The following PARD3B variants were observed in gnomAD, a reference collection of about 807,000 sequenced individuals.
PARD3B encodes the protein par-3 family cell polarity regulator beta, also known as partitioning defective 3 homolog B.
A neutral mutation model predicts 130.2 loss-of-function variants in PARD3B; 103 were observed. That is an observed-to-expected ratio of 0.79 (90% CI 0.67 to 0.93). The LOEUF (loss-of-function observed/expected upper bound fraction) is 0.93. Among genes scored for constraint, PARD3B ranks in the 40% least tolerant of loss-of-function variants. The pLI, the probability that PARD3B is intolerant of heterozygous loss-of-function variation, is 0.00. For synonymous variants in PARD3B, 583 were observed against 553.2 expected (o/e 1.05, Z -0.76); for missense variants, 1,609 against 1,499.2 (o/e 1.07, Z -1.21).
At chr2:204,614,983 A>G (rs1225269019) in intron 1 of PARD3B, among the ~76,000 whole-genome samples, 2 of 152,288 alleles carry the variant, frequency 1.3e-5, no homozygotes, top group East Asian at 3.9e-4. Flanking sequence ...ACTCACTTTT[A>G]TGTGAGGTAA....
intron 21 of PARD3B, among the ~76,000 whole-genome samples, chr2:205,522,309 T>C (rs528702649): frequency 2.5e-4 from 38 of 152,004 alleles, no homozygotes; most frequent in Middle Eastern, 6.8e-3. Context: ...TTCTAAAATA[T>C]TAAAGACTTT....
chr2:205,535,317 C>T (rs2051799377), intron 21 of PARD3B, among the ~76,000 whole-genome samples: 1 of 152,154 alleles, frequency 6.6e-6, no homozygotes, highest in African/African-American at 2.4e-5. Context: ...AGGGAGGGAG[C>T]AGAGTGGTGG....
At chr2:204,714,945 C>G (rs192234286) in intron 2 of PARD3B, among the ~76,000 whole-genome samples, 120 of 152,228 alleles carry the variant, frequency 7.9e-4, no homozygotes, top group African/African-American at 2.8e-3. Flanking sequence ...TTTCATGTTA[C>G]AATTAGAGGT....
chr2:205,165,861 A>C (rs2034784304), intron 11 of PARD3B, among the ~76,000 whole-genome samples: 2 of 152,164 alleles, frequency 1.3e-5, no homozygotes, highest in African/African-American at 2.4e-5. Flanking sequence ...ACAATAACTG[A>C]ATTACATAAA....
chr2:204,975,722 A>G (rs1284241837), intron 3 of PARD3B, among the ~76,000 whole-genome samples: 2 of 152,132 alleles, frequency 1.3e-5, no homozygotes, highest in Non-Finnish European at 2.9e-5. Context: ...AGCAAATTTC[A>G]TTTTCAGTCC....
chr2:205,092,828 C>G (rs1702189261), intron 4 of PARD3B, among the ~76,000 whole-genome samples: 2 of 152,042 alleles, frequency 1.3e-5, no homozygotes, highest in Admixed American at 1.3e-4. Flanking sequence ...GTGATTAACT[C>G]AAGCTTCCAG....
At chr2:205,147,560 C>T (rs189256594) in intron 10 of PARD3B, among the ~76,000 whole-genome samples, 27 of 152,142 alleles carry the variant, frequency 1.8e-4, no homozygotes, top group Admixed American at 1.8e-3. Context: ...GAGATCGGCT[C>T]TTGCTTTTAG....
rs1030887790 is a variant in PARD3B, at chr2:205,158,219, A to G, written c.1435-503A>G. Among the ~76,000 whole-genome samples, 2 of 152,118 alleles carry G rather than the reference A, an allele frequency of 1.3e-5. No homozygotes were observed. The highest frequency in any genetic ancestry group is 2.4e-5 in the African/African-American group (1 of 41,426). On this transcript the variant is annotated intron_variant, in intron 10 of 22. Coordinates refer to ENST00000406610, the MANE Select transcript of PARD3B (RefSeq NM_001302769.2). The surrounding 1 kb of genome is among the most constrained non-coding windows in gnomAD (Gnocchi z 5.4). ...TGTGTCTTATTAACAAACTTTACCAATAGTGTTGTTTCCATAGTAAATGAT... is the reference window on the plus strand; with the variant it reads ...TGTGTCTTATTAACAAACTTTACCAGTAGTGTTGTTTCCATAGTAAATGAT...
chr2:204,849,112 T>C (rs1236305755), intron 2 of PARD3B, among the ~76,000 whole-genome samples: 2 of 152,190 alleles, frequency 1.3e-5, no homozygotes, highest in East Asian at 3.9e-4. Flanking sequence ...GGAAGAAAAA[T>C]GTCACAAATT....
chr2:205,613,041 G>A (rs543915399), intron 22 of PARD3B, among the ~76,000 whole-genome samples: 47 of 152,234 alleles, frequency 3.1e-4, no homozygotes, highest in Middle Eastern at 6.8e-3. Context: ...AAAACAAGGC[G>A]TGCCTGTCTT....
intron 10 of PARD3B, among the ~76,000 whole-genome samples, chr2:205,132,134 A>G (rs748673965): frequency 3.9e-5 from 6 of 152,206 alleles, no homozygotes; most frequent in Non-Finnish European, 5.9e-5. Context: ...CCTTGTTATT[A>G]TAACCATTGC....
At chr2:205,371,741 T>A (rs932967158) in intron 18 of PARD3B, among the ~76,000 whole-genome samples, 2 of 152,122 alleles carry the variant, frequency 1.3e-5, no homozygotes, top group Admixed American at 1.3e-4. Context: ...GCCATAAAAT[T>A]CAACCGTTTG....
At chr2:204,984,079 G>A (rs951844242) in intron 3 of PARD3B, among the ~76,000 whole-genome samples, 10 of 151,982 alleles carry the variant, frequency 6.6e-5, no homozygotes, top group African/African-American at 2.4e-4. Context: ...GAGAATAGAG[G>A]TGGAGTTTTG....
At chr2:205,409,949 C>T (rs534869967) in intron 19 of PARD3B, among the ~76,000 whole-genome samples, 58 of 152,116 alleles carry the variant, frequency 3.8e-4, no homozygotes, top group African/African-American at 1.2e-3. Flanking sequence ...GTAATATAAA[C>T]GTATTAAATA....
intron 21 of PARD3B, among the ~76,000 whole-genome samples, chr2:205,512,496 A>G (rs117197835): frequency 6.6e-6 from 1 of 152,276 alleles, no homozygotes; most frequent in East Asian, 1.9e-4. Flanking sequence ...TCACTCACAG[A>G]CATAGCTCCA....
chr2:205,510,383 C>T (rs1237943570), intron 21 of PARD3B, among the ~76,000 whole-genome samples: 1 of 152,198 alleles, frequency 6.6e-6, no homozygotes, highest in African/African-American at 2.4e-5. Flanking sequence ...TTCCAGAGCC[C>T]TTGGACATTA....
intron 4 of PARD3B, among the ~76,000 whole-genome samples, chr2:205,094,627 A>G (rs1702298670): frequency 6.6e-6 from 1 of 152,074 alleles, no homozygotes; most frequent in Admixed American, 6.6e-5. Context: ...TGGATTAAAA[A>G]TTTTCTGCAG....
chr2:204,954,673 A>G lies in PARD3B; in HGVS notation c.223-10479A>G, dbSNP rs796945080. ...ATATGAAGCTGTCAAAACTTGTGTT[A>G]TAGGCTACCAGGGTGACAGGCCAGG... On this transcript the variant is annotated intron_variant, in intron 2 of 22. Coordinates refer to ENST00000406610, the MANE Select transcript of PARD3B (RefSeq NM_001302769.2). Among the ~76,000 whole-genome samples the G allele has an allele frequency of 9.8e-5, 15 of 152,312 alleles. 1 individual carries two copies. In the South Asian group the frequency reaches 1.2e-3, roughly 13 times the overall value.
intron 20 of PARD3B, among the ~76,000 whole-genome samples, chr2:205,467,871 T>C (rs2048686639): frequency 6.6e-6 from 1 of 152,228 alleles, no homozygotes; most frequent in African/African-American, 2.4e-5. Flanking sequence ...CACCATTGTC[T>C]CTTCTCTTGT....
Sources: gnomAD v4.1 joint callset for allele counts (sites outside exome capture counted in the v4.1 genomes callset) on GRCh38, gnomAD v4.1.1 for gene constraint, Gnocchi (gnomAD v3.1) non-coding constraint, MANE v1.5 for transcripts, NCBI Gene and HGNC (gene_info 2026-07-23, HGNC 2026-07-21) for gene names.